The following PIGL variants were observed in gnomAD, a reference collection of about 807,000 sequenced individuals.
PIGL encodes N-acetylglucosaminyl-phosphatidylinositol de-N-acetylase.
A neutral mutation model predicts 31.1 loss-of-function variants in PIGL; 22 were observed. That is an observed-to-expected ratio of 0.71 (90% CI 0.51 to 1.01). The LOEUF (loss-of-function observed/expected upper bound fraction) is 1.01, where lower values mean the gene tolerates loss of function less well. Among genes scored for constraint, PIGL ranks in the 50% least tolerant of loss-of-function variants. The pLI, the probability that PIGL is intolerant of heterozygous loss-of-function variation, is 0.00. For missense variants in PIGL, 302 were observed against 315.9 expected, an observed-to-expected ratio of 0.96 and a Z score of 0.33; for synonymous variants, 131 against 117.4, an observed-to-expected ratio of 1.12 and a Z score of -0.75.
At chr17:16,250,807 T>C (rs1301099271) in intron 2 of PIGL, among the ~76,000 whole-genome samples, 1 of 152,228 alleles carries the variant, frequency 6.6e-6, no homozygotes, top group Non-Finnish European at 1.5e-5. Context: ...TTGCTCAAGG[T>C]CATCCAGCTA....
intron 3 of PIGL, among the ~76,000 whole-genome samples, chr17:16,307,118 A>T (rs971550364): frequency 1.1e-4 from 17 of 152,206 alleles, no homozygotes; most frequent in Admixed American, 9.2e-4. Flanking sequence ...TCTTTCTGTT[A>T]TCAGGAGACC....
rs2093054124 is a variant in PIGL at position 16,312,135 on chromosome 17, GCCCGC to G, written c.427-1411_427-1407del. ...GGGGGCGGCTGGCCGGGCGGGGGCT[GCCCGC>G]AGCCCCCCACCTCCCTCCCGGACGG... is the stretch of plus-strand genomic sequence containing the variant. On this transcript the variant is annotated intron_variant, in intron 3 of 6. Transcript: ENST00000225609. Among the ~76,000 whole-genome samples, 9 of 145,508 alleles carry G rather than the reference GCCCGC, an allele frequency of 6.2e-5. 1 individual carries two copies. The South Asian group carries it at 1.9e-3, about 31-fold the overall frequency.
intron 6 of PIGL, among the ~76,000 whole-genome samples, chr17:16,319,197 C>A (rs554981223): frequency 7.5e-5 from 10 of 133,734 alleles, no homozygotes; most frequent in Middle Eastern, 5.0e-3. Context: ...TGCACTCCAG[C>A]CTGGGCAACA....
In PIGL at chr17:16,317,830, T is replaced by C. The variant is rs1335967860; in HGVS notation, c.582T>C (p.Leu194=). 2 of 1,614,158 alleles carry C rather than the reference T, an allele frequency of 1.2e-6. No homozygotes were observed. Among genetic ancestry groups the C allele is most frequent in the Non-Finnish European group, 1.7e-6 (2 of 1,180,044 alleles). ...ATGTGCTGCGCAAGTACATCTCCCT[T>C]CTGGATCTGCCCTTGTCTCTGCTTC... ...SVNVLRKYIS[L]LDLPLSLLHT... Residue 194 remains leucine, a synonymous_variant, in exon 6 of 7, where the codon CTT becomes CTC. Coordinates refer to ENST00000225609, the MANE Select transcript of PIGL (RefSeq NM_004278.4).
chr17:16,300,138 C>T (rs1290950873), intron 3 of PIGL, 160 bp downstream of exon 3: 4 of 600,914 alleles, frequency 6.7e-6, no homozygotes, highest in African/African-American at 5.6e-5. Flanking sequence ...ATTAAACCTA[C>T]TGAAGAACAA....
intron 1 of PIGL, among the ~76,000 whole-genome samples, chr17:16,220,305 G>A (rs1405535620): frequency 4.6e-5 from 7 of 151,856 alleles, no homozygotes; most frequent in African/African-American, 1.7e-4. Flanking sequence ...CTGAGATCGC[G>A]CCACTGCACT....
intron 2 of PIGL, among the ~76,000 whole-genome samples, chr17:16,237,508 A>G (rs777899074): frequency 6.6e-6 from 1 of 151,172 alleles, no homozygotes; most frequent in East Asian, 2.0e-4. Flanking sequence ...GATATTTACA[A>G]TGGAATCTCT....
At chr17:16,320,096 G>A (rs2093096649) in intron 6 of PIGL, among the ~76,000 whole-genome samples, 2 of 150,394 alleles carry the variant, frequency 1.3e-5, no homozygotes, top group African/African-American at 2.5e-5. Context: ...GTCTGCCCTG[G>A]GCAACACAGC....
intron 2 of PIGL, among the ~76,000 whole-genome samples, chr17:16,289,358 C>T (rs961245405): frequency 4.6e-5 from 7 of 152,182 alleles, no homozygotes; most frequent in African/African-American, 1.7e-4. Flanking sequence ...TCGTCCTGCA[C>T]CAGCAGTATA....
At chr17:16,269,648 C>CAA (rs746630809) in intron 2 of PIGL, among the ~76,000 whole-genome samples, 25 of 61,054 alleles carry the variant, frequency 4.1e-4, no homozygotes, top group African/African-American at 1.0e-3. Flanking sequence ...GACTCCGTCT[C>CAA]AAAAAAAAAA....
At chr17:16,300,096 C>G in intron 3 of PIGL, 118 bp downstream of exon 3, 1 of 725,444 alleles carries the variant, frequency 1.4e-6, no homozygotes, top group Non-Finnish European at 2.4e-6. Context: ...CAGGGCCACT[C>G]TCTAAGGAGG....
At position 16,234,065 on chromosome 17, in the gene PIGL, C is replaced by T; in HGVS notation, c.330C>T (p.Asp110=). ...CACTCTCCAGTGTAATGATTATTGA[C>T]AACAGGTAATATATCTTTTAACAAT... ...GIPLSSVMII[D]NRDFPDDPGM... is the part of the protein sequence containing the mutation. Residue 110 remains aspartate, a synonymous_variant, in exon 2 of 7, where the codon GAC becomes GAT. Transcript: ENST00000225609. The T allele has an allele frequency of 6.6e-7, 1 of 1,524,286 alleles. No homozygotes were observed. The highest frequency in any genetic ancestry group is 9.1e-7 in the Non-Finnish European group (1 of 1,099,044). The allele number at this position is 1,524,286 out of a possible 1,614,324, so 94.4% of individuals were successfully genotyped here. A position where few individuals can be genotyped will look rare whatever the true frequency, so the allele number is the denominator to read the frequency against.
intron 2 of PIGL, among the ~76,000 whole-genome samples, chr17:16,263,938 T>G (rs1600796532): frequency 6.8e-6 from 1 of 147,424 alleles, no homozygotes; most frequent in African/African-American, 2.5e-5. Flanking sequence ...GCCTCCTGAG[T>G]TCAAGCGATT....
intron 3 of PIGL, among the ~76,000 whole-genome samples, chr17:16,311,827 A>T (rs547104471): frequency 6.6e-6 from 1 of 152,348 alleles, no homozygotes; most frequent in Non-Finnish European, 1.5e-5. Context: ...TTCTTAGTAC[A>T]GAACAAAATG....
chr17:16,325,674 C>T lies in PIGL; in HGVS notation c.661-126C>T. The T allele has an allele frequency of 4.2e-6, 3 of 714,386 alleles. 1 individual carries two copies. Among genetic ancestry groups the T allele is most frequent in the South Asian group, 3.5e-5 (2 of 57,548 alleles). The allele number at this position is 714,386 out of a possible 1,614,324, so 44.3% of individuals were successfully genotyped here. On this transcript the variant is annotated intron_variant, in intron 6 of 6. Coordinates refer to ENST00000225609, the MANE Select transcript of PIGL (RefSeq NM_004278.4). ...AGGTTCGTGGGTTACAGGAAGAAGA[C>T]AGATAAGGCTATAGCATGAAGCATA... is the stretch of plus-strand genomic sequence containing the variant.
intron 2 of PIGL, among the ~76,000 whole-genome samples, chr17:16,240,667 CT>C (rs1162915278): frequency 4.8e-4 from 69 of 145,226 alleles, no homozygotes; most frequent in Middle Eastern, 3.5e-3. Context: ...TGCCAGCTAC[CT>C]TTTTTTTTTT....
chr17:16,268,864 G>A (rs1052746865), intron 2 of PIGL, among the ~76,000 whole-genome samples: 2 of 151,742 alleles, frequency 1.3e-5, no homozygotes, highest in Admixed American at 6.6e-5. Flanking sequence ...CAGGATTCAA[G>A]CAATTCTCCT....
intron 6 of PIGL, among the ~76,000 whole-genome samples, chr17:16,323,609 C>CTT (rs34518917): frequency 1.3e-3 from 124 of 96,792 alleles, no homozygotes; most frequent in East Asian, 3.2e-3. Flanking sequence ...TAACACTGAT[C>CTT]TTTTTTTTTT....
intron 2 of PIGL, among the ~76,000 whole-genome samples, chr17:16,257,933 G>A (rs1340465937): frequency 6.6e-6 from 1 of 151,354 alleles, no homozygotes; most frequent in African/African-American, 2.4e-5. Flanking sequence ...TGTTGTGGCG[G>A]GCACCTGTAA....
Sources: gnomAD v4.1 joint callset for allele counts (sites outside exome capture counted in the v4.1 genomes callset) on GRCh38, gnomAD v4.1.1 for gene constraint, MANE v1.5 for transcripts, NCBI Gene and HGNC (gene_info 2026-07-23, HGNC 2026-07-21) for gene names.